PARD3B: variants seen among roughly 807,000 people sequenced by gnomAD.
PARD3B encodes partitioning defective 3 homolog B.
A neutral mutation model predicts 130.2 loss-of-function variants in PARD3B; 103 were observed. That is an observed-to-expected ratio of 0.79 (90% confidence interval 0.67 to 0.93). The LOEUF is 0.93. Ranked by LOEUF, PARD3B falls within the 40% of genes least tolerant of loss-of-function variation. The pLI is 0.00. For synonymous variants in PARD3B, 583 were observed against 553.2 expected, an observed-to-expected ratio of 1.05 and a Z score of -0.76; for missense variants, 1,609 against 1,499.2, an observed-to-expected ratio of 1.07 and a Z score of -1.21.
At chr2:205,494,964 G>A (rs1023657898) in intron 20 of PARD3B, among the ~76,000 whole-genome samples, 2 of 152,208 alleles carry the variant, frequency 1.3e-5, no homozygotes, top group Non-Finnish European at 2.9e-5. Context: ...CATCATAGGA[G>A]CTTGATAAAT....
At chr2:205,433,403 G>A (rs1254375483) in intron 19 of PARD3B, among the ~76,000 whole-genome samples, 1 of 151,936 alleles carries the variant, frequency 6.6e-6, no homozygotes, top group Admixed American at 6.6e-5. Flanking sequence ...ATGGTGACAG[G>A]CACCTGTAAT....
chr2:205,307,817 C>A (rs576861267), intron 18 of PARD3B, among the ~76,000 whole-genome samples: 1 of 152,110 alleles, frequency 6.6e-6, no homozygotes, highest in Non-Finnish European at 1.5e-5. Flanking sequence ...ATAATAGCTG[C>A]TGTTGTCTCT....
At chr2:205,485,754 CTG>C (rs1426981168) in intron 20 of PARD3B, among the ~76,000 whole-genome samples, 4 of 152,164 alleles carry the variant, frequency 2.6e-5, no homozygotes, top group African/African-American at 9.6e-5. Flanking sequence ...CGGTGCCTGA[CTG>C]TGTGCCCTTT....
chr2:204,801,923 T>C (rs1361729864), intron 2 of PARD3B, among the ~76,000 whole-genome samples: 1 of 152,214 alleles, frequency 6.6e-6, no homozygotes. Context: ...GAAGCAGTGT[T>C]GAATTTTATC....
At chr2:205,488,570 T>C (rs950945592) in intron 20 of PARD3B, among the ~76,000 whole-genome samples, 6 of 152,188 alleles carry the variant, frequency 3.9e-5, no homozygotes, top group Non-Finnish European at 7.4e-5. Context: ...GCTGTTTCTT[T>C]AGCACTGCAT....
Position 205,595,956 on chromosome 2 carries a change from C to T in PARD3B, c.3261-19500C>T, listed in dbSNP as rs1040649635. On this transcript the variant is annotated intron_variant, in intron 22 of 22. Coordinates refer to ENST00000406610, the MANE Select transcript of PARD3B (RefSeq NM_001302769.2). ...AAAAAAGAAGAAGTAATGATGAGAGCAGAGTAATTGCATAGCCCTCATCAG... is the reference window on the plus strand; with the variant it reads ...AAAAAAGAAGAAGTAATGATGAGAGTAGAGTAATTGCATAGCCCTCATCAG... Among the ~76,000 whole-genome samples, 13 of 152,100 alleles carry T rather than the reference C, an allele frequency of 8.5e-5. 1 individual carries two copies. Among genetic ancestry groups the T allele is most frequent in the South Asian group, 6.2e-4 (3 of 4,812 alleles).
Position 205,185,878 on chromosome 2 carries a change from A to G in PARD3B, c.2024+15A>G, listed in dbSNP as rs2036070379. ...TACAGCCACAGGTATTGATAAAATG[A>G]TGTATCGTAAATGCTCCTTGTTATT... On this transcript the variant is annotated intron_variant, in intron 14 of 22. Coordinates refer to ENST00000406610, the MANE Select transcript of PARD3B (RefSeq NM_001302769.2). The G allele has an allele frequency of 3.8e-6, 6 of 1,594,514 alleles. No individual in the cohort carries two copies. The highest frequency in any genetic ancestry group is 2.2e-5 in the South Asian group (2 of 90,654).
Position 205,407,085 on chromosome 2 carries a change from T to A in PARD3B, c.2741+5962T>A, listed in dbSNP as rs2046438963. Among the ~76,000 whole-genome samples, 2 of 152,224 alleles carry A rather than the reference T, an allele frequency of 1.3e-5. No homozygotes were observed. The highest frequency in any genetic ancestry group is 2.9e-5 in the Non-Finnish European group (2 of 68,044). ...GTATGGAAGCATTTACTTTTACTTT[T>A]CTAGAGCAATAATTATTGAACTTGT... On this transcript the variant is annotated intron_variant, in intron 19 of 22. Transcript: ENST00000406610. The surrounding 1 kb of genome is among the most constrained non-coding windows in gnomAD (Gnocchi z 4.1).
chr2:205,171,072 G>A (rs1468429077), intron 11 of PARD3B, among the ~76,000 whole-genome samples: 1 of 152,064 alleles, frequency 6.6e-6, no homozygotes, highest in Non-Finnish European at 1.5e-5. Context: ...TAAATTCTTA[G>A]GTTCTGTGAG....
intron 2 of PARD3B, among the ~76,000 whole-genome samples, chr2:204,731,790 C>T (rs940543171): frequency 2.0e-5 from 3 of 152,104 alleles, no homozygotes; most frequent in East Asian, 1.9e-4. Context: ...AGGAAAGTTA[C>T]ATTGGTTTTT....
intron 21 of PARD3B, among the ~76,000 whole-genome samples, chr2:205,543,775 G>C (rs2052270098): frequency 6.6e-6 from 1 of 152,090 alleles, no homozygotes; most frequent in African/African-American, 2.4e-5. Flanking sequence ...CCTTTCTTTT[G>C]GTAATTGTAA....
chr2:204,604,803 A>G (rs2033649031), intron 1 of PARD3B, among the ~76,000 whole-genome samples: 1 of 152,160 alleles, frequency 6.6e-6, no homozygotes, highest in Non-Finnish European at 1.5e-5. Flanking sequence ...TATTGCCTTA[A>G]CATATTTATT....
chr2:204,837,833 T>TA (rs1445147560), intron 2 of PARD3B, among the ~76,000 whole-genome samples: 1 of 152,176 alleles, frequency 6.6e-6, no homozygotes, highest in Non-Finnish European at 1.5e-5. Flanking sequence ...TGGATAAGAC[T>TA]ATTTGCTCTA....
Position 205,187,509 on chromosome 2 carries a change from G to A in PARD3B, c.2024+1646G>A, listed in dbSNP as rs1186951186. ...GCCAGGACTCTTTGGATACCTTTTA[G>A]GGCAACTGCAGTCAGAGGTACTGAG... On this transcript the variant is annotated intron_variant, in intron 14 of 22. Transcript: ENST00000406610. This position sits in a 1 kb window ranked among gnomAD's most constrained non-coding sequence, Gnocchi z 4.9. Among the ~76,000 whole-genome samples, 1 of 152,130 alleles carries A rather than the reference G, an allele frequency of 6.6e-6. No individual in the cohort carries two copies. The highest frequency in any genetic ancestry group is 1.5e-5 in the Non-Finnish European group (1 of 68,030).
chr2:205,539,404 T>G (rs2052018402), intron 21 of PARD3B, among the ~76,000 whole-genome samples: 1 of 152,194 alleles, frequency 6.6e-6, no homozygotes, highest in Non-Finnish European at 1.5e-5. Context: ...CAAGCACATT[T>G]TAAAAACAGG....
intron 3 of PARD3B, among the ~76,000 whole-genome samples, chr2:205,045,190 A>G (rs1698689125): frequency 6.6e-6 from 1 of 150,678 alleles, no homozygotes; most frequent in African/African-American, 2.4e-5. Context: ...GATACACTAT[A>G]ATACTATGGC....
At position 205,463,134 on chromosome 2, in the gene PARD3B, G is replaced by A. The variant is rs2048507389; in HGVS notation, c.3044+22462G>A. Among the ~76,000 whole-genome samples, 1 of 151,874 alleles carries A rather than the reference G, an allele frequency of 6.6e-6. No homozygotes were observed. The highest frequency in any genetic ancestry group is 6.6e-5 in the Admixed American group (1 of 15,250). ...GGTTTGAACTGACTCACCTAATTGG[G>A]GTCAACCACTGAAAAAAAATGTGTT... On this transcript the variant is annotated intron_variant, in intron 20 of 22. Coordinates refer to ENST00000406610, the MANE Select transcript of PARD3B (RefSeq NM_001302769.2). This position sits in a 1 kb window ranked among gnomAD's most constrained non-coding sequence, Gnocchi z 4.8.
chr2:205,521,612 C>T (rs2051063583), intron 21 of PARD3B, among the ~76,000 whole-genome samples: 1 of 151,952 alleles, frequency 6.6e-6, no homozygotes, highest in Non-Finnish European at 1.5e-5. Flanking sequence ...TGTTGAATAG[C>T]CCTTGCAGTT....
chr2:205,459,303 C>CT (rs1025855567), intron 20 of PARD3B, among the ~76,000 whole-genome samples: 12 of 151,928 alleles, frequency 7.9e-5, no homozygotes, highest in East Asian at 3.9e-4. Context: ...TTTAGGTTTC[C>CT]TTTTTTTTAA....
Sources: allele counts gnomAD v4.1 joint callset (sites outside exome capture counted in the v4.1 genomes callset), GRCh38; gene constraint gnomAD v4.1.1; non-coding constraint Gnocchi (gnomAD v3.1); transcripts MANE v1.5; gene names NCBI Gene and HGNC (gene_info 2026-07-23, HGNC 2026-07-21).